MAML2: variants seen among roughly 807,000 people sequenced by gnomAD.
The protein encoded by MAML2 is mastermind-like protein 2.
In MAML2, 22 loss-of-function variants were observed where a neutral mutation model predicts 96.1. That is an observed-to-expected ratio of 0.23 (90% confidence interval 0.16 to 0.33). The LOEUF (loss-of-function observed/expected upper bound fraction) is 0.33, where lower values mean the gene tolerates loss of function less well. Among genes scored for constraint, MAML2 ranks in the 10% least tolerant of loss-of-function variants. MAML2 has a pLI of 1.00. For missense variants in MAML2, 1,367 were observed against 1,392.4 expected (o/e 0.98, Z 0.29); for synonymous variants, 561 against 521.3 (o/e 1.08, Z -1.04).
intron 2 of MAML2, among the ~76,000 whole-genome samples, chr11:95,999,345 CT>C (rs1343388175): frequency 6.6e-6 from 1 of 152,122 alleles, no homozygotes; most frequent in Non-Finnish European, 1.5e-5. Flanking sequence ...GGGACTACCT[CT>C]TTCTTTCATT....
intron 2 of MAML2, among the ~76,000 whole-genome samples, chr11:96,061,052 C>T (rs1421725638): frequency 6.6e-6 from 1 of 152,112 alleles, no homozygotes; most frequent in African/African-American, 2.4e-5. Context: ...TATAAACAGA[C>T]ACATACATGA....
At chr11:96,093,736 C>T (rs552549913) in intron 1 of MAML2, among the ~76,000 whole-genome samples, 1 of 152,262 alleles carries the variant, frequency 6.6e-6, no homozygotes, top group South Asian at 2.1e-4. Context: ...TCTGGAGGAG[C>T]AGATCAATTA....
At chr11:95,982,098 A>G (rs992900874) in intron 4 of MAML2, among the ~76,000 whole-genome samples, 1 of 152,194 alleles carries the variant, frequency 6.6e-6, no homozygotes, top group African/African-American at 2.4e-5. Context: ...ATAAAAAATG[A>G]TTTTAAAAAG....
chr11:96,161,655 T>C (rs973418375), intron 1 of MAML2, among the ~76,000 whole-genome samples: 1 of 152,226 alleles, frequency 6.6e-6, no homozygotes, highest in African/African-American at 2.4e-5. Flanking sequence ...CTATATCTTA[T>C]TTAAGATTGT....
chr11:96,308,168 G>T (rs1863491443), intron 1 of MAML2, among the ~76,000 whole-genome samples: 1 of 152,116 alleles, frequency 6.6e-6, no homozygotes, highest in African/African-American at 2.4e-5. Flanking sequence ...GCTAAAATTT[G>T]GGGGGCAGTG....
chr11:96,270,464 C>T (rs1862901047), intron 1 of MAML2, among the ~76,000 whole-genome samples: 1 of 152,072 alleles, frequency 6.6e-6, no homozygotes, highest in South Asian at 2.1e-4. Flanking sequence ...CGGGTGCCAC[C>T]ACACCTGGTT....
chr11:96,297,717 C>G (rs949772563), intron 1 of MAML2, among the ~76,000 whole-genome samples: 4 of 152,150 alleles, frequency 2.6e-5, no homozygotes, highest in African/African-American at 9.7e-5. Flanking sequence ...TACCCATCAA[C>G]TAGATTCAAA....
intron 1 of MAML2, among the ~76,000 whole-genome samples, chr11:96,160,063 C>T (rs1861080207): frequency 6.6e-6 from 1 of 152,208 alleles, no homozygotes; most frequent in African/African-American, 2.4e-5. Flanking sequence ...CTCTTGCCTG[C>T]CACAGTGCTT....
chr11:96,322,435 A>C (rs1276998134), intron 1 of MAML2, among the ~76,000 whole-genome samples: 2 of 152,264 alleles, frequency 1.3e-5, no homozygotes, highest in Non-Finnish European at 2.9e-5. Flanking sequence ...ACAGTGGCTC[A>C]TTCCTATAAT....
intron 1 of MAML2, among the ~76,000 whole-genome samples, chr11:96,340,727 G>A (rs1266453552): frequency 6.6e-6 from 1 of 152,076 alleles, no homozygotes; most frequent in Non-Finnish European, 1.5e-5. Context: ...GAAAATAATC[G>A]AGATGTGGCT....
chr11:96,050,081 T>C (rs1460276053), intron 2 of MAML2, among the ~76,000 whole-genome samples: 1 of 152,170 alleles, frequency 6.6e-6, no homozygotes, highest in Non-Finnish European at 1.5e-5. Flanking sequence ...TTATTCCATT[T>C]TACCCTCAAA....
At chr11:96,012,765 T>C (rs763649549) in intron 2 of MAML2, among the ~76,000 whole-genome samples, 5 of 152,220 alleles carry the variant, frequency 3.3e-5, no homozygotes, top group Non-Finnish European at 7.3e-5. Context: ...GAACAGAAGA[T>C]ACCTTCACTA....
chr11:96,234,934 T>C (rs182814373), intron 1 of MAML2, among the ~76,000 whole-genome samples: 4 of 152,344 alleles, frequency 2.6e-5, no homozygotes, highest in South Asian at 2.1e-4. Context: ...AAAAGGAATA[T>C]AGAAACATAA....
At chr11:96,266,056 G>C (rs945718633) in intron 1 of MAML2, among the ~76,000 whole-genome samples, 1 of 152,114 alleles carries the variant, frequency 6.6e-6, no homozygotes, top group African/African-American at 2.4e-5. Context: ...ATGCCTACTG[G>C]GGCTTCAAAA....
chr11:96,062,391 T>A (rs760514883), intron 2 of MAML2, among the ~76,000 whole-genome samples: 2 of 151,750 alleles, frequency 1.3e-5, no homozygotes, highest in African/African-American at 2.4e-5. Context: ...CTGGAGGGGG[T>A]GTATAGGAAG....
chr11:96,181,347 C>A (rs1388166303), intron 1 of MAML2, among the ~76,000 whole-genome samples: 1 of 152,208 alleles, frequency 6.6e-6, no homozygotes, highest in Admixed American at 6.5e-5. Context: ...CTTGTCTTAT[C>A]TCTGCAATGC....
At chr11:95,991,980 A>G (rs1265493628) in intron 2 of MAML2, among the ~76,000 whole-genome samples, 1 of 152,208 alleles carries the variant, frequency 6.6e-6, no homozygotes, top group Non-Finnish European at 1.5e-5. Context: ...GAACCTCCAC[A>G]TTCCAGAAGG....
intron 1 of MAML2, among the ~76,000 whole-genome samples, chr11:96,197,693 C>A (rs114417252): frequency 0.01 from 1,567 of 152,194 alleles, 21 homozygotes; most frequent in African/African-American, 0.036. Flanking sequence ...GATACCAGAC[C>A]CTACCTACTG....
At chr11:96,075,978 TG>T (rs756150063) in intron 2 of MAML2, among the ~76,000 whole-genome samples, 63 of 152,206 alleles carry the variant, frequency 4.1e-4, no homozygotes, top group Admixed American at 2.2e-3. Flanking sequence ...GAACCTTGGG[TG>T]GCCCTGCTTT....
Sources: allele counts gnomAD v4.1 joint callset (sites outside exome capture counted in the v4.1 genomes callset), GRCh38; gene constraint gnomAD v4.1.1; transcripts MANE v1.5; gene names NCBI Gene and HGNC (gene_info 2026-07-23, HGNC 2026-07-21).